CNTN1: variants seen among roughly 807,000 people sequenced by gnomAD.
The protein encoded by CNTN1 is contactin-1.
CNTN1 carries 38 observed loss-of-function variants against 126.4 expected under a neutral mutation model. That is an observed-to-expected ratio of 0.30 (90% CI 0.23 to 0.39). CNTN1 has a LOEUF of 0.39. CNTN1 is among the 10% of genes least tolerant of loss of function. CNTN1 has a pLI of 1.00. For synonymous variants in CNTN1, 413 were observed against 422.6 expected (o/e 0.98, Z 0.28); for missense variants, 1,009 against 1,248.4 (o/e 0.81, Z 2.89).
chr12:40,751,165 A>T (rs887852669), intron 1 of CNTN1, among the ~76,000 whole-genome samples: 5 of 152,142 alleles, frequency 3.3e-5, no homozygotes, highest in African/African-American at 1.2e-4. Context: ...AAAGTTAGGA[A>T]GTTATTGATT....
rs531045973 is a variant in CNTN1, at chr12:40,979,791, C to T, written c.1805-1118C>T. Among the ~76,000 whole-genome samples, 32 of 152,068 alleles carry T rather than the reference C, an allele frequency of 2.1e-4. No homozygotes were observed. The South Asian group carries it at 6.0e-3, about 29-fold the overall frequency. ...GCCCAAAAAGTTGTGTCTCACTTAT[C>T]TTTTAATTTCTATTTCCCAGCACAG... is the stretch of plus-strand genomic sequence containing the variant. On this transcript the variant is annotated intron_variant, in intron 15 of 23. Coordinates refer to ENST00000551295, the MANE Select transcript of CNTN1 (RefSeq NM_001843.4).
intron 1 of CNTN1, among the ~76,000 whole-genome samples, chr12:40,761,781 A>G (rs1319258416): frequency 6.6e-6 from 1 of 152,168 alleles, no homozygotes; most frequent in African/African-American, 2.4e-5. Context: ...CAAAGGCTAG[A>G]ATCATAGAGA....
rs1207982987 is a variant in CNTN1 at position 40,880,551 on chromosome 12, T to C, written c.-76-27806T>C. ...GAGAGATTTTAATCATTATTCAAAA[T>C]ATTTGCTATTGGTGCTATGTGCAAA... On this transcript the variant is annotated intron_variant, in intron 1 of 23. Transcript: ENST00000551295. Among the ~76,000 whole-genome samples the C allele has an allele frequency of 7.2e-5, 11 of 152,162 alleles. No individual in the cohort carries two copies. The East Asian group carries it at 2.1e-3, about 29-fold the overall frequency.
chr12:40,893,401 A>G (rs1188067229), intron 1 of CNTN1, among the ~76,000 whole-genome samples: 3 of 152,124 alleles, frequency 2.0e-5, no homozygotes, highest in Admixed American at 1.3e-4. Context: ...AAATTTCTGC[A>G]TTCTTCAACC....
At chr12:40,835,914 G>A (rs1297708025) in intron 1 of CNTN1, among the ~76,000 whole-genome samples, 1 of 151,570 alleles carries the variant, frequency 6.6e-6, no homozygotes, top group Non-Finnish European at 1.5e-5. Context: ...CAGACACTGA[G>A]GGATACAAGG....
chr12:41,021,298 C>T (rs1948903214), intron 20 of CNTN1, among the ~76,000 whole-genome samples: 1 of 151,956 alleles, frequency 6.6e-6, no homozygotes, highest in Non-Finnish European at 1.5e-5. Context: ...CACAGACTTC[C>T]CTGTTTTTTT....
At chr12:40,777,380 T>A (rs1168467201) in intron 1 of CNTN1, among the ~76,000 whole-genome samples, 1 of 151,640 alleles carries the variant, frequency 6.6e-6, no homozygotes, top group Non-Finnish European at 1.5e-5. Flanking sequence ...GAAAGGCTAA[T>A]GTTACATATG....
At chr12:41,040,895 C>A (rs12309780) in intron 23 of CNTN1, among the ~76,000 whole-genome samples, 16,160 of 132,728 alleles carry the variant, frequency 0.12, 1,300 homozygotes, top group African/African-American at 0.26. Context: ...TCCTAATTGA[C>A]TACCCTTTAT....
At chr12:40,935,754 TAAATA>T (rs907439115) in intron 9 of CNTN1, among the ~76,000 whole-genome samples, 1 of 152,082 alleles carries the variant, frequency 6.6e-6, no homozygotes, top group Non-Finnish European at 1.5e-5. Context: ...AAACATGTAC[TAAATA>T]AGATTATATA....
At chr12:40,971,678 A>AT (rs560122351) in intron 15 of CNTN1, 8 of 1,422,788 alleles carry the variant, frequency 5.6e-6, no homozygotes, top group Admixed American at 6.3e-5. Context: ...GGGCATAAAT[A>AT]TTTTTTAAAA....
At chr12:40,717,344 TAATA>T (rs1028004252) in intron 1 of CNTN1, among the ~76,000 whole-genome samples, 3 of 152,184 alleles carry the variant, frequency 2.0e-5, no homozygotes, top group African/African-American at 4.8e-5. Context: ...AAATTATAAA[TAATA>T]AATCCATTAA....
rs2121181199 is a variant in CNTN1 at position 41,071,026 on chromosome 12, G to T, written c.*991G>T. On this transcript the variant is annotated 3_prime_UTR_variant, in exon 24 of 24. Coordinates refer to ENST00000551295, the MANE Select transcript of CNTN1 (RefSeq NM_001843.4). ...TTACGTTTCTTTATTGCAGATGTCA[G>T]ATCAAAAAGTCACCTGTAGGTTGAA... The T allele has an allele frequency of 6.6e-6, 1 of 151,896 alleles. No individual in the cohort carries two copies. The highest frequency in any genetic ancestry group is 2.4e-5 in the African/African-American group (1 of 41,470). The allele number at this position is 151,896 out of a possible 1,614,324, so 9.4% of individuals were successfully genotyped here. A position where few individuals can be genotyped will look rare whatever the true frequency, so the allele number is the denominator to read the frequency against.
chr12:40,959,136 T>C lies in CNTN1; in HGVS notation c.1706T>C (p.Leu569Pro). The change falls in exon 15 of 24, where the codon CTA becomes CCA. Residue 569 changes from leucine (L) to proline (P), a missense_variant. Leu to Pro is a moderately conservative substitution (Grantham distance 98, BLOSUM62 -3). Coordinates refer to ENST00000551295, the MANE Select transcript of CNTN1 (RefSeq NM_001843.4). ...NFMLDSNGEL[L>P]IRNAQLKHAG... The stretch of plus-strand genomic sequence containing the variant: ...CAGCTGGATTCCAATGGGGAATTAC[T>C]AATCCGAAATGCGCAGCTGAAACAT... 2 of 1,612,622 alleles carry C rather than the reference T, an allele frequency of 1.2e-6. No individual in the cohort carries two copies. Among genetic ancestry groups the C allele is most frequent in the Non-Finnish European group, 1.7e-6 (2 of 1,179,090 alleles).
At chr12:40,737,878 C>T (rs956030260) in intron 1 of CNTN1, among the ~76,000 whole-genome samples, 19 of 151,914 alleles carry the variant, frequency 1.3e-4, no homozygotes, top group African/African-American at 4.6e-4. Context: ...TAGAATGAAA[C>T]ATCACAAATA....
intron 1 of CNTN1, among the ~76,000 whole-genome samples, chr12:40,810,587 G>A (rs1408060944): frequency 8.2e-6 from 1 of 121,706 alleles, no homozygotes. Flanking sequence ...CTGTTTCTAT[G>A]AGATTGATTT....
chr12:40,970,683 C>G (rs879523661), intron 15 of CNTN1, among the ~76,000 whole-genome samples: 8 of 152,092 alleles, frequency 5.3e-5, no homozygotes, highest in Non-Finnish European at 1.0e-4. Context: ...TTTTCTATAA[C>G]AATATTTCTG....
chr12:40,719,160 C>T (rs1942125923), intron 1 of CNTN1, among the ~76,000 whole-genome samples: 1 of 151,956 alleles, frequency 6.6e-6, no homozygotes, highest in South Asian at 2.1e-4. Flanking sequence ...ATAATGTGCT[C>T]AATATGGAAA....
intron 1 of CNTN1, among the ~76,000 whole-genome samples, chr12:40,850,256 T>G (rs978865437): frequency 1.3e-5 from 2 of 152,166 alleles, no homozygotes; most frequent in Non-Finnish European, 2.9e-5. Flanking sequence ...TTTGTTCATT[T>G]TACATTTTTC....
chr12:40,978,591 C>T (rs184265549), intron 15 of CNTN1, among the ~76,000 whole-genome samples: 7 of 152,152 alleles, frequency 4.6e-5, no homozygotes, highest in East Asian at 1.9e-4. Flanking sequence ...GACATGTATC[C>T]GAGAAAACAA....
Sources: allele counts gnomAD v4.1 joint callset (sites outside exome capture counted in the v4.1 genomes callset), GRCh38; gene constraint gnomAD v4.1.1; transcripts MANE v1.5; gene names NCBI Gene and HGNC (gene_info 2026-07-23, HGNC 2026-07-21).